The following MAF variants were observed in gnomAD, a reference collection of about 807,000 sequenced individuals.
MAF encodes MAF bZIP transcription factor.
In MAF, 10 loss-of-function variants were observed where a neutral mutation model predicts 22.0. The observed-to-expected ratio is 0.45, with a 90% CI of 0.28 to 0.77. The LOEUF (loss-of-function observed/expected upper bound fraction) is 0.77, where lower values mean the gene tolerates loss of function less well. Among genes scored for constraint, MAF ranks in the 30% least tolerant of loss-of-function variants. The pLI is 0.12. For synonymous variants in MAF, 337 were observed against 255.8 expected, an observed-to-expected ratio of 1.32 and a Z score of -3.03; for missense variants, 544 against 548.4, an observed-to-expected ratio of 0.99 and a Z score of 0.08.
the MAF span, among the ~76,000 whole-genome samples, chr16:79,242,264 G>A: frequency 1.3e-5 from 2 of 151,156 alleles, no homozygotes; most frequent in African/African-American, 4.9e-5. Context: ...AAAGAGTCAA[G>A]ACCCATAGGT....
At chr16:79,414,291 T>C in the MAF span, among the ~76,000 whole-genome samples, 2 of 152,152 alleles carry the variant, frequency 1.3e-5, no homozygotes, top group Non-Finnish European at 2.9e-5. Flanking sequence ...AGAAGCATGG[T>C]GCCAGCATCT....
At chr16:79,471,794 G>T in the MAF span, among the ~76,000 whole-genome samples, 1,284 of 152,276 alleles carry the variant, frequency 8.4e-3, 18 homozygotes, top group African/African-American at 0.029. Flanking sequence ...CACTATATAG[G>T]TAATCCAATT....
chr16:79,474,298 T>A, the MAF span, among the ~76,000 whole-genome samples: 1 of 152,208 alleles, frequency 6.6e-6, no homozygotes, highest in African/African-American at 2.4e-5. Context: ...CCTTGCCTGG[T>A]TGTACTATTA....
At chr16:79,247,713 G>C in the MAF span, among the ~76,000 whole-genome samples, 4 of 152,100 alleles carry the variant, frequency 2.6e-5, no homozygotes, top group African/African-American at 7.2e-5. Context: ...GGAAGCCTTT[G>C]TTGGTTAAAA....
chr16:79,440,597 G>A, the MAF span, among the ~76,000 whole-genome samples: 11 of 151,980 alleles, frequency 7.2e-5, no homozygotes, highest in Non-Finnish European at 1.5e-4. Flanking sequence ...CACCATGCCC[G>A]GCTAGTTTTT....
the MAF span, chr16:79,516,432 T>C: frequency 6.6e-6 from 1 of 152,184 alleles, no homozygotes; most frequent in African/African-American, 2.4e-5. Context: ...AAAATTTCCT[T>C]AGAACAAGGC....
chr16:79,205,565 A>G, the MAF span: 1 of 152,110 alleles, frequency 6.6e-6, no homozygotes, highest in Non-Finnish European at 1.5e-5. Context: ...GAAAACAAAT[A>G]TTTGCTTTCC....
chr16:79,219,859 TTTA>T, the MAF span, among the ~76,000 whole-genome samples: 1 of 152,218 alleles, frequency 6.6e-6, no homozygotes, highest in Non-Finnish European at 1.5e-5. Flanking sequence ...TGAATGTGGC[TTTA>T]TGTTTATATC....
At chr16:79,248,457 T>C in the MAF span, among the ~76,000 whole-genome samples, 14 of 152,210 alleles carry the variant, frequency 9.2e-5, no homozygotes, top group Non-Finnish European at 4.4e-5. Context: ...GATTCTTCTA[T>C]ACAGTCAAAT....
the MAF span, among the ~76,000 whole-genome samples, chr16:79,368,412 G>A: frequency 4.6e-5 from 7 of 152,034 alleles, no homozygotes; most frequent in African/African-American, 9.7e-5. Context: ...CATGTTCCAC[G>A]GGTCTACGAT....
the MAF span, among the ~76,000 whole-genome samples, chr16:79,568,751 A>T: frequency 6.6e-6 from 1 of 152,210 alleles, no homozygotes; most frequent in Non-Finnish European, 1.5e-5. Flanking sequence ...ATTGAGAAGT[A>T]GTAAGTGAGC....
chr16:79,288,084 G>A, the MAF span, among the ~76,000 whole-genome samples: 1 of 152,124 alleles, frequency 6.6e-6, no homozygotes, highest in Admixed American at 6.5e-5. Context: ...CAGAGAGGAA[G>A]GCATTGGAGG....
At chr16:79,420,068 T>G in the MAF span, among the ~76,000 whole-genome samples, 1 of 151,954 alleles carries the variant, frequency 6.6e-6, no homozygotes. Context: ...GTAAACATAC[T>G]GCAAAAGTGA....
the MAF span, among the ~76,000 whole-genome samples, chr16:79,297,664 C>A: frequency 2.2e-4 from 33 of 152,176 alleles, no homozygotes; most frequent in African/African-American, 7.0e-4. Context: ...ATAGTGAGCA[C>A]TCAGTAAACA....
chr16:79,462,871 G>A, the MAF span, among the ~76,000 whole-genome samples: 9 of 152,198 alleles, frequency 5.9e-5, no homozygotes. Context: ...TTTTACGGGG[G>A]AAATAGGTAA....
chr16:79,507,789 G>T, the MAF span, among the ~76,000 whole-genome samples: 2 of 152,160 alleles, frequency 1.3e-5, no homozygotes, highest in African/African-American at 4.8e-5. Flanking sequence ...AAGCATGTAA[G>T]TCACTGCAAT....
downstream of MAF, among the ~76,000 whole-genome samples, chr16:79,590,878 G>A (rs1913152813): frequency 6.6e-6 from 1 of 152,008 alleles, no homozygotes; most frequent in South Asian, 2.1e-4. Context: ...GGGATCCTCG[G>A]CCTGCTTTCC....
the MAF span, among the ~76,000 whole-genome samples, chr16:79,410,509 C>T: frequency 6.6e-6 from 1 of 152,138 alleles, no homozygotes; most frequent in East Asian, 1.9e-4. Context: ...ATTAGTGTAC[C>T]TTCAGTATGA....
the MAF span, among the ~76,000 whole-genome samples, chr16:79,380,604 C>A: frequency 2.0e-5 from 3 of 152,154 alleles, no homozygotes; most frequent in Non-Finnish European, 4.4e-5. Flanking sequence ...GTTTGTGATG[C>A]ATGGATCTTT....
Sources: gnomAD v4.1 joint callset for allele counts (sites outside exome capture counted in the v4.1 genomes callset) on GRCh38, gnomAD v4.1.1 for gene constraint, MANE v1.5 for transcripts, NCBI Gene and HGNC (gene_info 2026-07-23, HGNC 2026-07-21) for gene names.